Variants in IKBKB observed in about 807,000 individuals in gnomAD.
The protein encoded by IKBKB is inhibitor of nuclear factor kappa B kinase subunit beta.
In IKBKB, 42 loss-of-function variants were observed where a neutral mutation model predicts 113.6. That is an observed-to-expected ratio of 0.37 (90% confidence interval 0.29 to 0.48). The LOEUF (loss-of-function observed/expected upper bound fraction) is 0.48. Among genes scored for constraint, IKBKB ranks in the 20% least tolerant of loss-of-function variants. The pLI is 0.99. For missense variants in IKBKB, 673 were observed against 939.7 expected (o/e 0.72, Z 3.71); for synonymous variants, 296 against 361.3 (o/e 0.82, Z 2.05).
chr8:42,310,878 C>T (rs1403330741), intron 8 of IKBKB, among the ~76,000 whole-genome samples: 2 of 152,152 alleles, frequency 1.3e-5, no homozygotes, highest in African/African-American at 4.8e-5. Context: ...TTTGTAATGT[C>T]TGTTATTTCA....
chr8:42,297,623 G>A (rs564789661), intron 5 of IKBKB, among the ~76,000 whole-genome samples: 27 of 152,292 alleles, frequency 1.8e-4, no homozygotes, highest in Non-Finnish European at 2.9e-4. Context: ...GGCCAGGCGC[G>A]GTGGCTCATG....
At chr8:42,271,699 T>G (rs1436971259) in intron 1 of IKBKB, 1 of 521,364 alleles carries the variant, frequency 1.9e-6, no homozygotes, top group East Asian at 3.5e-5. Context: ...ATGGGAACAT[T>G]GTAAAGAAAC....
chr8:42,289,306 C>A (rs984559674), intron 3 of IKBKB, among the ~76,000 whole-genome samples: 6 of 152,206 alleles, frequency 3.9e-5, no homozygotes, highest in African/African-American at 7.2e-5. Context: ...CTAAAGACAC[C>A]AGAGGAAGAG....
chr8:42,311,864 T>A (rs926464633), intron 8 of IKBKB, among the ~76,000 whole-genome samples: 7 of 152,208 alleles, frequency 4.6e-5, no homozygotes, highest in African/African-American at 1.4e-4. Flanking sequence ...AAATTGCATG[T>A]ACATCTATAG....
chr8:42,307,033 G>A (rs1816679831), intron 7 of IKBKB, among the ~76,000 whole-genome samples: 1 of 152,228 alleles, frequency 6.6e-6, no homozygotes, highest in Non-Finnish European at 1.5e-5. Flanking sequence ...TCAGAGCTTA[G>A]GGTTTAGCAG....
At chr8:42,306,214 T>C in intron 6 of IKBKB, 129 bp from the exon 7 acceptor site, 1 of 621,764 alleles carries the variant, frequency 1.6e-6, no homozygotes, top group Non-Finnish European at 3.0e-6. Context: ...TGGTGGCTCT[T>C]AGGAGTTTGG....
chr8:42,302,903 A>G (rs1815564044), intron 5 of IKBKB, among the ~76,000 whole-genome samples: 1 of 152,166 alleles, frequency 6.6e-6, no homozygotes, highest in African/African-American at 2.4e-5. Flanking sequence ...ATATGTTTTC[A>G]GCAAATGTTC....
At chr8:42,323,297 G>A (rs1202725699) in intron 19 of IKBKB, among the ~76,000 whole-genome samples, 2 of 152,256 alleles carry the variant, frequency 1.3e-5, no homozygotes, top group Non-Finnish European at 2.9e-5. Context: ...ATGCACGGCA[G>A]TGCAACTTGG....
At chr8:42,321,859 A>T in intron 16 of IKBKB, 37 bp from the exon 17 acceptor site, 1 of 1,492,110 alleles carries the variant, frequency 6.7e-7, no homozygotes, top group African/African-American at 1.4e-5. Context: ...GCCATATTTG[A>T]CCTCAAGTCT....
intron 4 of IKBKB, among the ~76,000 whole-genome samples, chr8:42,291,251 G>A (rs1245658297): frequency 2.0e-5 from 3 of 151,962 alleles, no homozygotes; most frequent in Non-Finnish European, 4.4e-5. Context: ...GCGTGATCTC[G>A]GCTCACTGTA....
chr8:42,314,517 G>C, intron 9 of IKBKB, 88 bp downstream of exon 9: 2 of 864,152 alleles, frequency 2.3e-6, no homozygotes, highest in South Asian at 2.7e-5. Context: ...GCTCACACCT[G>C]TAATCCTAAC....
At chr8:42,317,020 G>A (rs535060373) in intron 11 of IKBKB, 116 bp downstream of exon 11, 2 of 994,412 alleles carry the variant, frequency 2.0e-6, no homozygotes, top group African/African-American at 3.2e-5. Context: ...ATCACACAGT[G>A]CGGATACCTG....
At chr8:42,291,447 C>G (rs888390507) in intron 4 of IKBKB, among the ~76,000 whole-genome samples, 1 of 152,202 alleles carries the variant, frequency 6.6e-6, no homozygotes, top group African/African-American at 2.4e-5. Context: ...TCCCAAAGTG[C>G]TGGGATTACA....
At chr8:42,307,756 C>G (rs1187616760) in intron 7 of IKBKB, among the ~76,000 whole-genome samples, 2 of 152,192 alleles carry the variant, frequency 1.3e-5, no homozygotes, top group Non-Finnish European at 2.9e-5. Context: ...ATGCTCTAAC[C>G]AGGAGCTGAG....
At chr8:42,330,780 T>G in intron 21 of IKBKB, 134 bp from the exon 22 acceptor site, 6 of 1,497,370 alleles carry the variant, frequency 4.0e-6, no homozygotes, top group African/African-American at 1.4e-5. Context: ...AGTGTTGGGA[T>G]TATAGGCATG....
At position 42,274,801 on chromosome 8, in the gene IKBKB, C is replaced by A. The variant is rs904626944; in HGVS notation, c.105+2596C>A. Among the ~76,000 whole-genome samples the A allele has an allele frequency of 3.2e-5, 3 of 93,060 alleles. 1 individual carries two copies. The highest frequency in any genetic ancestry group is 8.1e-3 in the Middle Eastern group (2 of 246). The allele number at this position is 93,060 out of a possible 152,430, so 61.1% of individuals were successfully genotyped here. On this transcript the variant is annotated intron_variant, in intron 2 of 21. Coordinates refer to ENST00000520810, the MANE Select transcript of IKBKB (RefSeq NM_001556.3). ...CCGCCGGCGCGCCCCCCCCCCCCCC[C>A]GCCATCCCAGCCTCCCAAAGTGCTG...
At chr8:42,274,734 T>C (rs1430860475) in intron 2 of IKBKB, among the ~76,000 whole-genome samples, 2 of 141,124 alleles carry the variant, frequency 1.4e-5, no homozygotes, top group East Asian at 4.4e-4. Context: ...GGTTTCACCA[T>C]GTTGGCCAGG....
At position 42,316,784 on chromosome 8, in the gene IKBKB, C is replaced by T; in HGVS notation, c.1005C>T (p.Ser335=). Residue 335 remains serine (S), a synonymous_variant, in exon 11 of 22, where the codon AGC becomes AGT. Coordinates refer to ENST00000520810, the MANE Select transcript of IKBKB (RefSeq NM_001556.3). This position sits in a 1 kb window ranked among gnomAD's most constrained non-coding sequence, Gnocchi z 4.5. ...TGACAGAGGATGAGAGTCTGCAGAG[C>T]TTGAAGGCCAGAATCCAACAGGACA... ...YPVTEDESLQ[S]LKARIQQDTG... 1 of 1,614,138 alleles carries T rather than the reference C, an allele frequency of 6.2e-7. No homozygotes were observed. The highest frequency in any genetic ancestry group is 8.5e-7 in the Non-Finnish European group (1 of 1,180,022).
chr8:42,309,582 C>G lies in IKBKB; in HGVS notation c.692+557C>G, dbSNP rs769675369. On this transcript the variant is annotated intron_variant, in intron 8 of 21. Coordinates refer to ENST00000520810, the MANE Select transcript of IKBKB (RefSeq NM_001556.3). ...CCAGCCTGGCCAACATGGCAAAACC[C>G]TGTCTCTACTAAAAACCCTAGCCAG... 15 of 286,890 alleles carry G rather than the reference C, an allele frequency of 5.2e-5. No individual in the cohort carries two copies. In the Admixed American group the frequency reaches 6.3e-4, roughly 12 times the overall value. The allele number at this position is 286,890 out of a possible 1,614,324, so 17.8% of individuals were successfully genotyped here.
Sources: allele counts gnomAD v4.1 joint callset (sites outside exome capture counted in the v4.1 genomes callset), GRCh38; gene constraint gnomAD v4.1.1; non-coding constraint Gnocchi (gnomAD v3.1); transcripts MANE v1.5; gene names NCBI Gene and HGNC (gene_info 2026-07-23, HGNC 2026-07-21).